Variants in STOX2 observed in about 807,000 individuals in gnomAD.
The protein encoded by STOX2 is storkhead-box protein 2.
STOX2 carries 28 observed loss-of-function variants against 60.9 expected under a neutral mutation model. The observed-to-expected ratio is 0.46, with a 90% CI of 0.34 to 0.63. STOX2 has a LOEUF of 0.63. Among genes scored for constraint, STOX2 ranks in the 30% least tolerant of loss-of-function variants. The pLI, the probability that STOX2 is intolerant of heterozygous loss-of-function variation, is 0.01. For missense variants in STOX2, 1,024 were observed against 1,187.7 expected, an observed-to-expected ratio of 0.86 and a Z score of 2.03; for synonymous variants, 472 against 463.9, an observed-to-expected ratio of 1.02 and a Z score of -0.22.
In STOX2 at chr4:183,816,926, T is replaced by C. The variant is rs987031166; in HGVS notation, c.364+18871T>C. Reference sequence around the variant, plus strand: ...ATTCCAGATGATGTCTTTGTCTAACTGTACGGGCAAGGGCTGCATTGGCTG... The same window carrying C: ...ATTCCAGATGATGTCTTTGTCTAACCGTACGGGCAAGGGCTGCATTGGCTG... On this transcript the variant is annotated intron_variant, in intron 1 of 2. Coordinates refer to the STOX2 transcript ENST00000513034. Among the ~76,000 whole-genome samples, 3 of 152,250 alleles carry C rather than the reference T, an allele frequency of 2.0e-5. No individual in the cohort carries two copies. The East Asian group carries it at 5.8e-4, about 29-fold the overall frequency.
intron 1 of STOX2, among the ~76,000 whole-genome samples, chr4:183,990,301 C>T (rs1187427437): frequency 6.6e-6 from 1 of 152,160 alleles, no homozygotes; most frequent in Admixed American, 6.5e-5. Context: ...ATTTCTAAAT[C>T]CTTGAAACTC....
At chr4:183,915,916 G>A (rs1273464979) in intron 1 of STOX2, among the ~76,000 whole-genome samples, 1 of 152,240 alleles carries the variant, frequency 6.6e-6, no homozygotes, top group African/African-American at 2.4e-5. Flanking sequence ...TGCGGTGCTA[G>A]TTCCAGCGGC....
intron 1 of STOX2, among the ~76,000 whole-genome samples, chr4:183,819,864 C>T (rs576657888): frequency 6.6e-6 from 1 of 152,262 alleles, no homozygotes; most frequent in African/African-American, 2.4e-5. Context: ...CTGCCGTTGC[C>T]TTTGGAGGAG....
At chr4:183,936,253 C>T (rs562959205) in intron 1 of STOX2, among the ~76,000 whole-genome samples, 8 of 152,290 alleles carry the variant, frequency 5.3e-5, no homozygotes, top group Non-Finnish European at 7.3e-5. Flanking sequence ...GTGAAACCTT[C>T]GCTCTCATCT....
chr4:183,885,825 T>C (rs1263882560), intron 1 of STOX2, among the ~76,000 whole-genome samples: 1 of 152,240 alleles, frequency 6.6e-6, no homozygotes, highest in African/African-American at 2.4e-5. Flanking sequence ...TGAAGGACCT[T>C]AGTCCCCTTT....
chr4:183,908,146 T>C (rs1741671019), intron 1 of STOX2, among the ~76,000 whole-genome samples: 1 of 152,204 alleles, frequency 6.6e-6, no homozygotes, highest in Admixed American at 6.5e-5. Flanking sequence ...AAAAGAACCA[T>C]CTTTTTTATT....
In STOX2 at chr4:183,981,365, TG is replaced by T. The variant is rs1201277003; in HGVS notation, c.167-19955del. 5.3e-5 allele frequency among the ~76,000 whole-genome samples: 8 copies of T among 151,948 alleles called. 1 individual carries two copies. The highest frequency in any genetic ancestry group is 3.3e-4 in the Admixed American group (5 of 15,238). Reference sequence around the variant, plus strand: ...ATCTAATTGTTTTTCCTCTGCATATTGGGGGCTTCTGTGGGCCTCCATCATT... The same window carrying T: ...ATCTAATTGTTTTTCCTCTGCATATTGGGGCTTCTGTGGGCCTCCATCATT... On this transcript the variant is annotated intron_variant, in intron 1 of 3. Coordinates refer to ENST00000308497, the MANE Select transcript of STOX2 (RefSeq NM_020225.3).
chr4:183,864,483 T>A (rs1470947161), intron 1 of STOX2, among the ~76,000 whole-genome samples: 1 of 152,182 alleles, frequency 6.6e-6, no homozygotes, highest in Admixed American at 6.5e-5. Context: ...AACCTCCACC[T>A]CCTGGGTTCA....
chr4:183,968,383 G>T (rs1014091588), intron 1 of STOX2, among the ~76,000 whole-genome samples: 1 of 126,248 alleles, frequency 7.9e-6, no homozygotes, highest in African/African-American at 3.4e-5. Flanking sequence ...CACACACAAA[G>T]AAGAGCATAA....
intron 1 of STOX2, among the ~76,000 whole-genome samples, chr4:183,869,822 T>C (rs1214541964): frequency 6.6e-6 from 1 of 152,194 alleles, no homozygotes; most frequent in African/African-American, 2.4e-5. Context: ...ATTGATAAGC[T>C]ATTTAAAAAC....
At chr4:183,990,925 A>G (rs1733080973) in intron 1 of STOX2, among the ~76,000 whole-genome samples, 1 of 152,160 alleles carries the variant, frequency 6.6e-6, no homozygotes, top group East Asian at 1.9e-4. Context: ...TGACTCCTAC[A>G]GGACATTTTC....
intron 1 of STOX2, among the ~76,000 whole-genome samples, chr4:184,000,638 C>T (rs1338536024): frequency 2.0e-5 from 3 of 152,206 alleles, no homozygotes; most frequent in Non-Finnish European, 4.4e-5. Flanking sequence ...CCCGCAGGGA[C>T]ACACCTACTC....
intron 1 of STOX2, among the ~76,000 whole-genome samples, chr4:183,832,631 C>A (rs1739599183): frequency 6.6e-6 from 1 of 151,750 alleles, no homozygotes. Context: ...ACTGGGATTA[C>A]AGGTGCCTGC....
At position 184,011,367 on chromosome 4, in the gene STOX2, G is replaced by T; in HGVS notation, c.2529G>T (p.Arg843=). 6.2e-7 allele frequency: 1 copy of T among 1,613,834 alleles called. No individual in the cohort carries two copies. The highest frequency in any genetic ancestry group is 1.1e-5 in the South Asian group (1 of 91,058). The change falls in exon 3 of 4, where the codon CGG becomes CGT. Residue 843 remains arginine (R), a synonymous_variant. Coordinates refer to ENST00000308497, the MANE Select transcript of STOX2 (RefSeq NM_020225.3). This position sits in a 1 kb window ranked among gnomAD's most constrained non-coding sequence, Gnocchi z 4.4. The stretch of plus-strand genomic sequence containing the variant: ...ACCAGAGAGCCACCCATTCAGCCCG[G>T]CTCGACAGCATGGACAGCAGCAGCA... The part of the protein sequence containing the change: ...SSNQRATHSA[R]LDSMDSSSIT...
chr4:183,872,787 T>G (rs1740725061), intron 1 of STOX2, among the ~76,000 whole-genome samples: 1 of 149,996 alleles, frequency 6.7e-6, no homozygotes, highest in African/African-American at 2.4e-5. Context: ...CTGCTTATTA[T>G]TTTTTTTTTA....
At chr4:183,951,205 A>G (rs1417312944) in intron 1 of STOX2, among the ~76,000 whole-genome samples, 11 of 140,422 alleles carry the variant, frequency 7.8e-5, no homozygotes, top group Admixed American at 4.4e-4. Flanking sequence ...ACAGAGCGAG[A>G]CTCCGTCTCA....
At chr4:184,007,800 CCTTT>C (rs1481905786) in intron 2 of STOX2, among the ~76,000 whole-genome samples, 1 of 152,176 alleles carries the variant, frequency 6.6e-6, no homozygotes, top group Non-Finnish European at 1.5e-5. Flanking sequence ...TCCCTCTGTG[CCTTT>C]CTGTCTCCAG....
chr4:183,926,866 C>T (rs1742256121), intron 1 of STOX2, among the ~76,000 whole-genome samples: 1 of 152,190 alleles, frequency 6.6e-6, no homozygotes, highest in Admixed American at 6.5e-5. Context: ...AGGTGATCTG[C>T]CCGCCTCGGC....
In STOX2 at chr4:183,905,858, C is replaced by G. The variant is rs190573212; in HGVS notation, c.-933C>G. On this transcript the variant is annotated 5_prime_UTR_variant, in exon 1 of 4. Transcript: ENST00000308497. The stretch of plus-strand genomic sequence containing the variant: ...GCCGCGCGGGGGTCGATCGCAGGCT[C>G]GGCGTCCTTGGCAGCCATGGCTCCG... 6.6e-6 allele frequency: 1 copy of G among 152,242 alleles called. No homozygotes were observed. The highest frequency in any genetic ancestry group is 2.4e-5 in the African/African-American group (1 of 41,454). The allele number at this position is 152,242 out of a possible 1,614,324, so 9.4% of individuals were successfully genotyped here. A position where few individuals can be genotyped will look rare whatever the true frequency, so the allele number is the denominator to read the frequency against.
Sources: gnomAD v4.1 joint callset for allele counts (sites outside exome capture counted in the v4.1 genomes callset) on GRCh38, gnomAD v4.1.1 for gene constraint, Gnocchi (gnomAD v3.1) non-coding constraint, MANE v1.5 for transcripts, NCBI Gene and HGNC (gene_info 2026-07-23, HGNC 2026-07-21) for gene names.